The following APPL1 variants were observed in gnomAD, a reference collection of about 807,000 sequenced individuals.
The protein encoded by APPL1 is adaptor protein, phosphotyrosine interacting with PH domain and leucine zipper 1.
In APPL1, 42 loss-of-function variants were observed where a neutral mutation model predicts 106.8. The ratio of observed to expected loss-of-function variants is 0.39; its 90% CI spans 0.31 to 0.51. The LOEUF (loss-of-function observed/expected upper bound fraction) is 0.51. APPL1 is among the 20% of genes least tolerant of loss of function. APPL1 has a pLI of 0.75. For missense variants in APPL1, 769 were observed against 858.2 expected (o/e 0.90, Z 1.30); for synonymous variants, 263 against 281.8 (o/e 0.93, Z 0.67).
intron 1 of APPL1, among the ~76,000 whole-genome samples, chr3:57,229,724 T>TG (rs1208763724): frequency 1.4e-4 from 20 of 146,006 alleles, no homozygotes; most frequent in African/African-American, 4.5e-4. Context: ...TTTTTTTTTT[T>TG]TTTCCTGAGA....
At chr3:57,242,680 T>A (rs2060752987) in intron 6 of APPL1, among the ~76,000 whole-genome samples, 176 bp from the exon 7 acceptor site, 1 of 152,182 alleles carries the variant, frequency 6.6e-6, no homozygotes, top group Admixed American at 6.5e-5. Flanking sequence ...ATTTGAGAAG[T>A]AGACACATAA....
chr3:57,256,925 A>C (rs776967966), intron 13 of APPL1, 32 bp from the exon 14 acceptor site: 1 of 1,586,792 alleles, frequency 6.3e-7, no homozygotes, highest in Non-Finnish European at 8.6e-7. Context: ...TACTTTACTA[A>C]TATTAGTCCT....
At chr3:57,257,467 G>C in intron 15 of APPL1, 39 bp downstream of exon 15, 1 of 1,514,346 alleles carries the variant, frequency 6.6e-7, no homozygotes, top group African/African-American at 1.4e-5. Context: ...GCTGTGGTCT[G>C]TAAGGCTTAT....
At chr3:57,260,320 T>A (rs558499092) in intron 18 of APPL1, 167 bp downstream of exon 18, 1 of 691,194 alleles carries the variant, frequency 1.4e-6, no homozygotes, top group East Asian at 3.2e-5. Context: ...AAGTTGTCAT[T>A]GAACATTTTA....
chr3:57,229,145 C>T (rs2060671205), intron 1 of APPL1, among the ~76,000 whole-genome samples: 3 of 152,202 alleles, frequency 2.0e-5, no homozygotes, highest in African/African-American at 7.2e-5. Flanking sequence ...TTTGGTTTAT[C>T]TTGACTGCCA....
At position 57,253,657 on chromosome 3, in the gene APPL1, A is replaced by G. The variant is rs750304556; in HGVS notation, c.1096-25A>G. On this transcript the variant is annotated intron_variant, in intron 12 of 21. Transcript: ENST00000288266. The stretch of plus-strand genomic sequence containing the variant: ...AGAAGCTTTGTAGAAAAAAAATTAT[A>G]TTTTTCTATTTTTTCCTCTTGCAGT... The G allele has an allele frequency of 3.6e-6, 5 of 1,400,120 alleles. No individual in the cohort carries two copies. In the South Asian group the frequency reaches 4.5e-5, roughly 13 times the overall value. 86.7% of individuals were successfully genotyped at this position (1,400,120 alleles called of 1,614,324 possible). A position where few individuals can be genotyped will look rare whatever the true frequency, so the allele number is the denominator to read the frequency against.
chr3:57,238,007 G>A (rs773067664), intron 3 of APPL1, 38 bp from the exon 4 acceptor site: 7 of 1,478,390 alleles, frequency 4.7e-6, no homozygotes, highest in South Asian at 2.4e-5. Context: ...AAAAGACACA[G>A]CATTGAAACT....
chr3:57,231,171 C>G (rs1392587699), intron 1 of APPL1, among the ~76,000 whole-genome samples: 2 of 151,428 alleles, frequency 1.3e-5, no homozygotes, highest in African/African-American at 2.4e-5. Context: ...AACCCCGTCT[C>G]TCCTAAAAAT....
chr3:57,244,346 G>A (rs954093021), intron 7 of APPL1, among the ~76,000 whole-genome samples: 2 of 152,054 alleles, frequency 1.3e-5, no homozygotes, highest in Non-Finnish European at 2.9e-5. Context: ...AGTAGAGGTG[G>A]GGTTTCACCA....
rs887477832 is a variant in APPL1, at chr3:57,247,299, T to G, written c.622-96T>G. 13 of 668,960 alleles carry G rather than the reference T, an allele frequency of 1.9e-5. 1 individual carries two copies. In the Admixed American group the frequency reaches 3.7e-4, roughly 19 times the overall value. The allele number at this position is 668,960 out of a possible 1,614,324, so 41.4% of individuals were successfully genotyped here. On this transcript the variant is annotated intron_variant, in intron 8 of 21. Coordinates refer to ENST00000288266, the MANE Select transcript of APPL1 (RefSeq NM_012096.3). ...TGGGAATATTCCTTTGTTTTTTACT[T>G]AACCATGTGTCTTAGAGATTGTTTA...
At chr3:57,259,819 AT>A (rs1378889696) in intron 16 of APPL1, 25 bp from the exon 17 acceptor site, 11 of 1,487,618 alleles carry the variant, frequency 7.4e-6, no homozygotes, top group Admixed American at 2.4e-5. Context: ...AAAAAAAAAT[AT>A]GTAATACACC....
chr3:57,250,804 C>CTTTTT lies in APPL1; in HGVS notation c.1052+1273_1052+1277dup, dbSNP rs71088045. Among the ~76,000 whole-genome samples the CTTTTT allele has an allele frequency of 8.8e-3, 967 of 110,168 alleles. 1 individual carries two copies. Among genetic ancestry groups the CTTTTT allele is most frequent in the East Asian group, 0.028 (101 of 3,564 alleles). 72.3% of individuals were successfully genotyped at this position (110,168 alleles called of 152,430 possible). A position where few individuals can be genotyped will look rare whatever the true frequency, so the allele number is the denominator to read the frequency against. ...TGCTTTTGACCTTTGAACTTTCTTT[C>CTTTTT]TTTTTTTTTTTTTTTTTTTTTGAGA... On this transcript the variant is annotated intron_variant, in intron 11 of 21. Transcript: ENST00000288266.
intron 16 of APPL1, 36 bp from the exon 17 acceptor site, chr3:57,259,807 TAA>T: frequency 4.3e-6 from 5 of 1,157,958 alleles, no homozygotes; most frequent in Non-Finnish European, 5.9e-6. Flanking sequence ...ATTTATACAG[TAA>T]AAAAAAAATA....
intron 7 of APPL1, among the ~76,000 whole-genome samples, chr3:57,243,164 T>C (rs1004459375): frequency 6.6e-6 from 1 of 152,210 alleles, no homozygotes; most frequent in Admixed American, 6.5e-5. Flanking sequence ...TGATGCCCAG[T>C]ATATAACATT....
chr3:57,237,742 C>G (rs920919855), intron 3 of APPL1, among the ~76,000 whole-genome samples, 191 bp downstream of exon 3: 2 of 151,974 alleles, frequency 1.3e-5, no homozygotes, highest in African/African-American at 4.8e-5. Flanking sequence ...TACTTGTTTT[C>G]TTTTTACAAA....
At chr3:57,237,170 A>G (rs1216800256) in intron 2 of APPL1, among the ~76,000 whole-genome samples, 1 of 152,236 alleles carries the variant, frequency 6.6e-6, no homozygotes, top group Non-Finnish European at 1.5e-5. Flanking sequence ...GGCAATAATC[A>G]GTCATCAACG....
At position 57,228,745 on chromosome 3, in the gene APPL1, C is replaced by T. The variant is rs2060667861; in HGVS notation, c.54+808C>T. Among the ~76,000 whole-genome samples the T allele has an allele frequency of 6.6e-6, 1 of 152,180 alleles. No individual in the cohort carries two copies. Among genetic ancestry groups the T allele is most frequent in the African/African-American group, 2.4e-5 (1 of 41,442 alleles). ...GCAGCTATATTTTTTAAAATGTTGG[C>T]AGGGGCTGTAACTTGCATAGGGAAA... On this transcript the variant is annotated intron_variant, in intron 1 of 21. Transcript: ENST00000288266. The surrounding 1 kb of genome is among the most constrained non-coding windows in gnomAD (Gnocchi z 4.6).
Position 57,228,048 on chromosome 3 carries a change from GCCGCCCTAGGTCA to G in APPL1, c.54+118_54+130del. On this transcript the variant is annotated intron_variant, in intron 1 of 21. Coordinates refer to ENST00000288266, the MANE Select transcript of APPL1 (RefSeq NM_012096.3). The surrounding 1 kb of genome is among the most constrained non-coding windows in gnomAD (Gnocchi z 4.6). ...CGCCCCGGCCCAGGTGGGGGCCGCCGCCGCCCTAGGTCACCGCCCGTCGCAGGCCGCGCCCGGA... is the reference window on the plus strand; with the variant it reads ...CGCCCCGGCCCAGGTGGGGGCCGCCGCCGCCCGTCGCAGGCCGCGCCCGGA... 2.1e-6 allele frequency: 2 copies of G among 937,188 alleles called. No homozygotes were observed. Among genetic ancestry groups the G allele is most frequent in the Non-Finnish European group, 1.4e-6 (1 of 715,028 alleles). 58.1% of individuals were successfully genotyped at this position (937,188 alleles called of 1,614,324 possible). A position where few individuals can be genotyped will look rare whatever the true frequency, so the allele number is the denominator to read the frequency against.
Position 57,259,087 on chromosome 3 carries a change from C to G in APPL1, c.1483+7C>G. On this transcript the variant is annotated splice_region_variant and intron_variant, in intron 16 of 21. Coordinates refer to ENST00000288266, the MANE Select transcript of APPL1 (RefSeq NM_012096.3). ...ACAAAATCTGAAACTGAAGGTAAGA[C>G]AGATGTGCAGCATTCATATATTTTA... 1.7e-5 allele frequency: 28 copies of G among 1,607,514 alleles called. No homozygotes were observed. Among genetic ancestry groups the G allele is most frequent in the Non-Finnish European group, 2.2e-5 (26 of 1,175,602 alleles).
Sources: gnomAD v4.1 joint callset for allele counts (sites outside exome capture counted in the v4.1 genomes callset) on GRCh38, gnomAD v4.1.1 for gene constraint, Gnocchi (gnomAD v3.1) non-coding constraint, MANE v1.5 for transcripts, NCBI Gene and HGNC (gene_info 2026-07-23, HGNC 2026-07-21) for gene names.